Variants in SUPT3H observed in about 807,000 individuals in gnomAD.
SUPT3H encodes the protein SPT3 homolog, SAGA and STAGA complex component.
SUPT3H carries 44 observed loss-of-function variants against 44.3 expected under a neutral mutation model. That is an observed-to-expected ratio of 0.99 (90% CI 0.78 to 1.28). SUPT3H has a LOEUF of 1.28. SUPT3H is among the 50% of genes most tolerant of loss of function. The pLI is 0.00. For synonymous variants in SUPT3H, 124 were observed against 125.6 expected, an observed-to-expected ratio of 0.99 and a Z score of 0.09; for missense variants, 380 against 387.1, an observed-to-expected ratio of 0.98 and a Z score of 0.15.
chr6:45,215,201 T>C (rs1055458797), intron 2 of SUPT3H, among the ~76,000 whole-genome samples: 4 of 152,144 alleles, frequency 2.6e-5, no homozygotes, highest in Non-Finnish European at 2.9e-5. Context: ...ATGTTATCCC[T>C]AATTAACAAA....
intron 10 of SUPT3H, among the ~76,000 whole-genome samples, chr6:44,885,219 T>G (rs1224338734): frequency 2.6e-5 from 4 of 152,086 alleles, no homozygotes; most frequent in Non-Finnish European, 5.9e-5. Flanking sequence ...AGCAGTAACC[T>G]CTGCAGACTT....
At chr6:44,818,210 T>C (rs1581811659) in intron 11 of SUPT3H, among the ~76,000 whole-genome samples, 1 of 152,230 alleles carries the variant, frequency 6.6e-6, no homozygotes, top group East Asian at 1.9e-4. Flanking sequence ...AAAGGATAGT[T>C]TTCTCAACGA....
chr6:45,177,254 A>C (rs924393690), intron 2 of SUPT3H, among the ~76,000 whole-genome samples: 1 of 152,370 alleles, frequency 6.6e-6, no homozygotes, highest in Non-Finnish European at 1.5e-5. Flanking sequence ...ACCAAGGCTC[A>C]AGAACTTCGT....
chr6:45,332,450 G>A (rs558568875), intron 2 of SUPT3H, among the ~76,000 whole-genome samples: 2 of 151,666 alleles, frequency 1.3e-5, no homozygotes, highest in East Asian at 1.9e-4. Context: ...TGATGCACCC[G>A]TGCATACTTG....
intron 9 of SUPT3H, among the ~76,000 whole-genome samples, chr6:44,950,271 T>C (rs1774074647): frequency 6.6e-6 from 1 of 152,208 alleles, no homozygotes; most frequent in African/African-American, 2.4e-5. Context: ...TCAATGTCCA[T>C]TCTATAGGAT....
Position 45,201,499 on chromosome 6 carries a change from CTG to C in SUPT3H, c.102-95495_102-95494del, listed in dbSNP as rs947491751. Among the ~76,000 whole-genome samples the C allele has an allele frequency of 5.3e-4, 80 of 151,812 alleles. 1 individual carries two copies. Among genetic ancestry groups the C allele is most frequent in the African/African-American group, 1.9e-3 (80 of 41,524 alleles). On this transcript the variant is annotated intron_variant, in intron 2 of 10. Coordinates refer to ENST00000371459, the MANE Select transcript of SUPT3H (RefSeq NM_003599.4). Reference sequence around the variant, plus strand: ...AAATAAATTAATATATCAACACACTCTGTAAAATTTATATAAACTTAAAAATA... The same window carrying C: ...AAATAAATTAATATATCAACACACTCTAAAATTTATATAAACTTAAAAATA...
intron 2 of SUPT3H, among the ~76,000 whole-genome samples, chr6:45,115,677 C>T (rs145561025): frequency 1.1e-3 from 165 of 152,188 alleles, no homozygotes; most frequent in Non-Finnish European, 1.8e-3. Context: ...TTTAGAACTC[C>T]AAAGCCAAGT....
chr6:45,228,774 G>C (rs967335295), intron 2 of SUPT3H, among the ~76,000 whole-genome samples: 1 of 152,010 alleles, frequency 6.6e-6, no homozygotes, highest in Non-Finnish European at 1.5e-5. Flanking sequence ...AAAGAAGCTG[G>C]GACTACAGGC....
chr6:45,350,343 C>T (rs1791764552), intron 2 of SUPT3H, among the ~76,000 whole-genome samples: 1 of 152,164 alleles, frequency 6.6e-6, no homozygotes, highest in African/African-American at 2.4e-5. Context: ...AGGTGCTAGT[C>T]TAAAAACTGT....
At chr6:45,110,216 C>T (rs1799846619) in intron 2 of SUPT3H, among the ~76,000 whole-genome samples, 1 of 152,156 alleles carries the variant, frequency 6.6e-6, no homozygotes, top group African/African-American at 2.4e-5. Flanking sequence ...GATGAAATGT[C>T]TCACTTCAAC....
At chr6:44,948,373 A>G (rs569392997) in intron 9 of SUPT3H, among the ~76,000 whole-genome samples, 1 of 152,226 alleles carries the variant, frequency 6.6e-6, no homozygotes, top group Non-Finnish European at 1.5e-5. Flanking sequence ...TGGCAACAGA[A>G]GCCAAAATTG....
intron 2 of SUPT3H, among the ~76,000 whole-genome samples, chr6:45,214,223 C>G (rs1391449289): frequency 6.6e-6 from 1 of 151,548 alleles, no homozygotes; most frequent in African/African-American, 2.4e-5. Flanking sequence ...AATAAGTGAC[C>G]ACACACATTC....
At chr6:44,810,253 C>T (rs1374265011) in intron 11 of SUPT3H, among the ~76,000 whole-genome samples, 1 of 152,188 alleles carries the variant, frequency 6.6e-6, no homozygotes, top group Non-Finnish European at 1.5e-5. Context: ...CAAGGAAGCA[C>T]ATCAGCTGAG....
At chr6:45,120,050 C>A (rs1158213054) in intron 2 of SUPT3H, among the ~76,000 whole-genome samples, 1 of 151,920 alleles carries the variant, frequency 6.6e-6, no homozygotes, top group Non-Finnish European at 1.5e-5. Flanking sequence ...AAGGTAAGTA[C>A]TATTACTATT....
intron 2 of SUPT3H, among the ~76,000 whole-genome samples, chr6:45,122,980 C>A (rs1801888654): frequency 6.6e-6 from 1 of 152,114 alleles, no homozygotes; most frequent in Non-Finnish European, 1.5e-5. Flanking sequence ...TATTCTAATA[C>A]CCTATTACTT....
chr6:45,031,425 G>C (rs1254587479), intron 3 of SUPT3H, among the ~76,000 whole-genome samples: 1 of 152,092 alleles, frequency 6.6e-6, no homozygotes, highest in African/African-American at 2.4e-5. Context: ...CTTGTAAAAT[G>C]TAAGCTAACT....
intron 10 of SUPT3H, among the ~76,000 whole-genome samples, chr6:44,907,584 A>T (rs1208091028): frequency 6.6e-6 from 1 of 152,222 alleles, no homozygotes; most frequent in Non-Finnish European, 1.5e-5. Context: ...AGGCTGAGGC[A>T]GGAGAGTTGC....
chr6:45,174,435 C>A (rs941110587), intron 2 of SUPT3H, among the ~76,000 whole-genome samples: 3 of 152,172 alleles, frequency 2.0e-5, no homozygotes, highest in African/African-American at 7.2e-5. Flanking sequence ...AAGATTCTGA[C>A]CTCTTTCTTT....
At chr6:44,834,509 G>A (rs1769453049) in intron 10 of SUPT3H, among the ~76,000 whole-genome samples, 1 of 152,146 alleles carries the variant, frequency 6.6e-6, no homozygotes, top group Non-Finnish European at 1.5e-5. Context: ...AAGGAATTTG[G>A]AAACTAAGCC....
Sources: gnomAD v4.1 joint callset for allele counts (sites outside exome capture counted in the v4.1 genomes callset) on GRCh38, gnomAD v4.1.1 for gene constraint, MANE v1.5 for transcripts, NCBI Gene and HGNC (gene_info 2026-07-23, HGNC 2026-07-21) for gene names.